ABI2: variants seen among roughly 807,000 people sequenced by gnomAD.
ABI2 encodes abelson interactor 2.
A neutral mutation model predicts 59.2 loss-of-function variants in ABI2; 25 were observed. The observed-to-expected ratio is 0.42, with a 90% CI of 0.31 to 0.59. ABI2 has a LOEUF of 0.59. Ranked by LOEUF, ABI2 falls within the 20% of genes least tolerant of loss-of-function variation. The probability of loss-of-function intolerance (pLI) is 0.14; values close to 1 mark genes in which losing one functional copy is unlikely to be tolerated. For synonymous variants in ABI2, 213 were observed against 235.5 expected (o/e 0.90, Z 0.87); for missense variants, 545 against 681.8 (o/e 0.80, Z 2.23).
intron 1 of ABI2, among the ~76,000 whole-genome samples, chr2:203,339,097 C>T (rs887114761): frequency 3.4e-5 from 5 of 148,094 alleles, no homozygotes; most frequent in African/African-American, 5.0e-5. Context: ...GACACACAGG[C>T]GTCCAACAGG....
Position 203,328,665 on chromosome 2 carries a change from A to AC in ABI2, c.117+41dup, listed in dbSNP as rs529794533. 3.1e-3 allele frequency: 4,366 copies of AC among 1,414,660 alleles called. 28 individuals carry two copies. Among genetic ancestry groups the AC allele is most frequent in the African/African-American group, 0.018 (1,186 of 66,140 alleles). 87.6% of individuals were successfully genotyped at this position (1,414,660 alleles called of 1,614,324 possible). On this transcript the variant is annotated intron_variant, in intron 1 of 11. Coordinates refer to ENST00000261018, the MANE Select transcript of ABI2 (RefSeq NM_001375670.1). ...CATCCCCAGCTGGGCCGCGTCGGGG[A>AC]CCCCCCCGCCGGGGGCCGCGCGCCT...
intron 1 of ABI2, 56 bp downstream of exon 1, chr2:203,328,687 G>T: frequency 7.7e-7 from 1 of 1,293,292 alleles, no homozygotes; most frequent in Non-Finnish European, 1.0e-6. Context: ...GGGGCCGCGC[G>T]CCTCGGGGCG....
chr2:203,337,409 A>C (rs775748934), intron 1 of ABI2, among the ~76,000 whole-genome samples: 1 of 152,240 alleles, frequency 6.6e-6, no homozygotes, highest in East Asian at 1.9e-4. Context: ...GAAAGAATAG[A>C]ATACTTAGGA....
intron 2 of ABI2, among the ~76,000 whole-genome samples, chr2:203,371,347 A>G (rs995335465): frequency 2.6e-5 from 4 of 152,264 alleles, no homozygotes; most frequent in Non-Finnish European, 4.4e-5. Flanking sequence ...CAACAAAACA[A>G]AGTAATAACC....
chr2:203,328,908 C>T (rs2070554842), intron 1 of ABI2: 1 of 276,456 alleles, frequency 3.6e-6, no homozygotes, highest in South Asian at 1.4e-4. Context: ...GCCGCCCCCG[C>T]ACTCCGCGCC....
intron 10 of ABI2, among the ~76,000 whole-genome samples, chr2:203,415,374 T>G (rs1332541582): frequency 6.6e-6 from 1 of 152,014 alleles, no homozygotes; most frequent in East Asian, 1.9e-4. Context: ...TCCCAGCACT[T>G]TGGGAGGCCG....
chr2:203,401,112 C>G (rs1228943713), intron 8 of ABI2, among the ~76,000 whole-genome samples: 2 of 151,884 alleles, frequency 1.3e-5, no homozygotes, highest in Non-Finnish European at 2.9e-5. Flanking sequence ...TCTACTCTCC[C>G]CTCTTCTCCA....
At chr2:203,336,930 C>G (rs1438782270) in intron 1 of ABI2, among the ~76,000 whole-genome samples, 1 of 152,120 alleles carries the variant, frequency 6.6e-6, no homozygotes, top group Non-Finnish European at 1.5e-5. Context: ...TCCAGTTGTT[C>G]TTCATCTTTG....
chr2:203,339,927 T>A (rs574937479), intron 1 of ABI2, among the ~76,000 whole-genome samples: 1 of 152,332 alleles, frequency 6.6e-6, no homozygotes, highest in Admixed American at 6.5e-5. Context: ...ATATGAAAAG[T>A]CATCTGTCCC....
rs199948488 is a variant in ABI2 at position 203,391,016 on chromosome 2, A to G, written c.481-30A>G. On this transcript the variant is annotated intron_variant, in intron 4 of 11. Coordinates refer to ENST00000261018, the MANE Select transcript of ABI2 (RefSeq NM_001375670.1). ...AAAGTGCCACTTTATTTCACTGCAT[A>G]CAAGTTGAGTTTTCCTTAAAATTTT... 4.4e-6 allele frequency: 7 copies of G among 1,579,702 alleles called. No individual in the cohort carries two copies. The East Asian group carries it at 9.0e-5, about 20-fold the overall frequency.
At position 203,428,584 on chromosome 2, in the gene ABI2, A is replaced by T. The variant is rs924036934; in HGVS notation, c.*1232A>T. 2.0e-5 allele frequency: 3 copies of T among 152,648 alleles called. No homozygotes were observed. Among genetic ancestry groups the T allele is most frequent in the African/African-American group, 7.2e-5 (3 of 41,464 alleles). 9.5% of individuals were successfully genotyped at this position (152,648 alleles called of 1,614,324 possible). A position where few individuals can be genotyped will look rare whatever the true frequency, so the allele number is the denominator to read the frequency against. On this transcript the variant is annotated 3_prime_UTR_variant, in exon 12 of 12. Transcript: ENST00000261018. Reference sequence around the variant, plus strand: ...CCAAAATATGTATCTAATCACATTGATAAAAATTAATATAACTGACACAAT... The same window carrying T: ...CCAAAATATGTATCTAATCACATTGTTAAAAATTAATATAACTGACACAAT...
In ABI2 at chr2:203,428,978, AGATGGTGTCG is replaced by A. The variant is rs1246220837; in HGVS notation, c.*1631_*1640del. ...AGTGTAGTAGTGTGTGAGAAAATTC[AGATGGTGTCG>A]GATGCAGAAGTTAATATTCCACTTA... On this transcript the variant is annotated 3_prime_UTR_variant, in exon 12 of 12. Coordinates refer to ENST00000261018, the MANE Select transcript of ABI2 (RefSeq NM_001375670.1). 1 of 152,256 alleles carries A rather than the reference AGATGGTGTCG, an allele frequency of 6.6e-6. No homozygotes were observed. Among genetic ancestry groups the A allele is most frequent in the Non-Finnish European group, 1.5e-5 (1 of 68,046 alleles). The allele number at this position is 152,256 out of a possible 1,614,324, so 9.4% of individuals were successfully genotyped here. A position where few individuals can be genotyped will look rare whatever the true frequency, so the allele number is the denominator to read the frequency against.
chr2:203,418,985 T>C (rs1008095133), intron 11 of ABI2, among the ~76,000 whole-genome samples: 1 of 152,140 alleles, frequency 6.6e-6, no homozygotes, highest in African/African-American at 2.4e-5. Flanking sequence ...TAAGAATGAC[T>C]GCATGGTTCT....
chr2:203,407,922 C>T (rs753477438), intron 9 of ABI2, among the ~76,000 whole-genome samples: 47 of 152,154 alleles, frequency 3.1e-4, no homozygotes, highest in Non-Finnish European at 5.7e-4. Flanking sequence ...GGCTCACAGA[C>T]GTTCTTGTCA....
At chr2:203,427,075 G>A in intron 11 of ABI2, 102 bp from the exon 12 acceptor site, 2 of 989,436 alleles carry the variant, frequency 2.0e-6, no homozygotes, top group East Asian at 4.9e-5. Context: ...CCATGTTTGA[G>A]TGCTACAGGA....
intron 2 of ABI2, among the ~76,000 whole-genome samples, chr2:203,368,860 A>G (rs986496453): frequency 6.6e-6 from 1 of 151,672 alleles, no homozygotes; most frequent in African/African-American, 2.4e-5. Context: ...CCTGTTTCCC[A>G]GGCTGGAGTA....
chr2:203,380,655 T>C (rs2096061523), intron 3 of ABI2, among the ~76,000 whole-genome samples: 1 of 152,224 alleles, frequency 6.6e-6, no homozygotes, highest in Non-Finnish European at 1.5e-5. Context: ...AAGTGTCGTG[T>C]AATCTTTCCA....
chr2:203,363,893 T>A (rs1482499026), intron 1 of ABI2, among the ~76,000 whole-genome samples: 1 of 151,984 alleles, frequency 6.6e-6, no homozygotes, highest in Non-Finnish European at 1.5e-5. Flanking sequence ...GACTCCCAAG[T>A]AGCTGGGATT....
intron 4 of ABI2, among the ~76,000 whole-genome samples, chr2:203,389,666 T>G (rs1003179289): frequency 6.6e-6 from 1 of 152,234 alleles, no homozygotes; most frequent in East Asian, 1.9e-4. Flanking sequence ...GTTGAGGTCC[T>G]TTTTCAAAAT....
Sources: allele counts gnomAD v4.1 joint callset (sites outside exome capture counted in the v4.1 genomes callset), GRCh38; gene constraint gnomAD v4.1.1; transcripts MANE v1.5; gene names NCBI Gene and HGNC (gene_info 2026-07-23, HGNC 2026-07-21).